Variants in MTARC2 observed in about 807,000 individuals in gnomAD.
The protein encoded by MTARC2 is MOCO sulphurase C-terminal domain containing 2.
A neutral mutation model predicts 35.6 loss-of-function variants in MTARC2; 27 were observed. That is an observed-to-expected ratio of 0.76 (90% CI 0.56 to 1.04). The LOEUF (loss-of-function observed/expected upper bound fraction) is 1.04, where lower values mean the gene tolerates loss of function less well. MTARC2 is among the 50% of genes least tolerant of loss of function. MTARC2 has a pLI of 0.00. For missense variants in MTARC2, 412 were observed against 432.5 expected, an observed-to-expected ratio of 0.95 and a Z score of 0.42; for synonymous variants, 158 against 167.1, an observed-to-expected ratio of 0.95 and a Z score of 0.42.
chr1:220,784,585 A>C lies in MTARC2; in HGVS notation c.*698A>C, dbSNP rs527269252. The stretch of plus-strand genomic sequence containing the variant: ...ACCACCTGGAATTCCAAGTAAGATA[A>C]GGAAGAGGATGACATTTAAAAGAGA... On this transcript the variant is annotated 3_prime_UTR_variant, in exon 8 of 8. Transcript: ENST00000366913. The C allele has an allele frequency of 6.6e-6, 1 of 152,352 alleles. No individual in the cohort carries two copies. Among genetic ancestry groups the C allele is most frequent in the African/African-American group, 2.4e-5 (1 of 41,580 alleles). 9.4% of individuals were successfully genotyped at this position (152,352 alleles called of 1,614,324 possible). A position where few individuals can be genotyped will look rare whatever the true frequency, so the allele number is the denominator to read the frequency against.
chr1:220,768,910 T>C (rs337151), intron 4 of MTARC2, among the ~76,000 whole-genome samples: 5,938 of 152,204 alleles, frequency 0.039, 359 homozygotes, highest in African/African-American at 0.13. Context: ...CATGTCCTCA[T>C]CTGGGGAGCT....
intron 4 of MTARC2, chr1:220,770,660 G>T: frequency 1.5e-6 from 1 of 685,916 alleles, no homozygotes; most frequent in Non-Finnish European, 1.8e-6. Context: ...CTGAAAAGCA[G>T]TCCAGCACAG....
chr1:220,759,327 G>A (rs972061469), intron 2 of MTARC2, among the ~76,000 whole-genome samples: 1 of 152,178 alleles, frequency 6.6e-6, no homozygotes, highest in South Asian at 2.1e-4. Flanking sequence ...GTGAGGGTCA[G>A]TTTTTTCTAT....
In MTARC2 at chr1:220,771,666, T is replaced by A. The variant is rs563968016; in HGVS notation, c.751-8352T>A. On this transcript the variant is annotated intron_variant, in intron 4 of 7. Transcript: ENST00000366913. ...GGATATTTTAAAAAGTAACTCATAC[T>A]CTTTGCACAGCTTGAAAAACACAGT... 6.6e-5 allele frequency among the ~76,000 whole-genome samples: 10 copies of A among 152,252 alleles called. No homozygotes were observed. In the South Asian group the frequency reaches 1.9e-3, roughly 28 times the overall value.
At chr1:220,761,589 A>T (rs574768625) in intron 2 of MTARC2, 69 bp from the exon 3 acceptor site, 15 of 1,478,300 alleles carry the variant, frequency 1.0e-5, no homozygotes, top group Non-Finnish European at 1.3e-5. Context: ...CCAGCTGTTC[A>T]TTTTTGACAC....
At chr1:220,763,690 T>C (rs1453859294) in intron 4 of MTARC2, among the ~76,000 whole-genome samples, 2 of 152,244 alleles carry the variant, frequency 1.3e-5, no homozygotes, top group African/African-American at 4.8e-5. Context: ...TTAGCCATCA[T>C]ATTAAGCCTC....
chr1:220,776,494 A>AT (rs998447529), intron 4 of MTARC2, among the ~76,000 whole-genome samples: 277 of 151,936 alleles, frequency 1.8e-3, no homozygotes, highest in African/African-American at 5.2e-3. Flanking sequence ...TTAGCATAGT[A>AT]TTTTTTTTAC....
In MTARC2 at chr1:220,748,344, C is replaced by A; in HGVS notation, c.-188C>A. 1.8e-6 allele frequency: 1 copy of A among 546,644 alleles called. No individual in the cohort carries two copies. The highest frequency in any genetic ancestry group is 4.5e-5 in the Admixed American group (1 of 22,166). The allele number at this position is 546,644 out of a possible 1,614,324, so 33.9% of individuals were successfully genotyped here. ...CTCCATTACCGCGCAGGCTTGGTCA[C>A]CGCATTAAGGCATTCCCGCTCTCCG... is the stretch of plus-strand genomic sequence containing the variant. On this transcript the variant is annotated 5_prime_UTR_variant, in exon 1 of 8. Coordinates refer to ENST00000366913, the MANE Select transcript of MTARC2 (RefSeq NM_017898.5).
intron 3 of MTARC2, among the ~76,000 whole-genome samples, chr1:220,762,631 G>A (rs1671469444): frequency 6.6e-6 from 1 of 152,126 alleles, no homozygotes; most frequent in Non-Finnish European, 1.5e-5. Flanking sequence ...GGGGGAAGGG[G>A]GTCGCTGCTG....
At chr1:220,766,860 C>CAAAAAAAAAAAAAA in intron 4 of MTARC2, among the ~76,000 whole-genome samples, 1 of 91,938 alleles carries the variant, frequency 1.1e-5, no homozygotes, top group Admixed American at 1.1e-4. Context: ...AATAAAAGTA[C>CAAAAAAAAAAAAAA]AAAAAAAAAA....
chr1:220,769,490 G>A (rs1352916175), intron 4 of MTARC2, among the ~76,000 whole-genome samples: 1 of 152,174 alleles, frequency 6.6e-6, no homozygotes, highest in Non-Finnish European at 1.5e-5. Context: ...GGGAGCTTTT[G>A]AAGCTCCCCT....
intron 4 of MTARC2, among the ~76,000 whole-genome samples, chr1:220,768,366 C>T (rs1265933632): frequency 2.2e-4 from 33 of 152,162 alleles, no homozygotes; most frequent in Non-Finnish European, 5.9e-5. Context: ...GTGGTTTTCA[C>T]TGTGGGTCAT....
At chr1:220,752,871 G>A (rs897847025) in intron 1 of MTARC2, among the ~76,000 whole-genome samples, 5 of 151,502 alleles carry the variant, frequency 3.3e-5, no homozygotes, top group Admixed American at 2.6e-4. Context: ...TATTAATTAA[G>A]TATAAATATA....
Position 220,780,028 on chromosome 1 carries a change from A to T in MTARC2, c.761A>T (p.Asp254Val). ...GCDAFEEDTW[D>V]ELLIGSVEVK... ...TCTCTTTTCTCTTAGGATACCTGGG[A>T]TGAACTCCTAATTGGTAGTGTAGAA... The change falls in exon 5 of 8, where the codon GAT becomes GTT. Residue 254 changes from aspartate to valine, a missense_variant. Transcript: ENST00000366913. 1.3e-6 allele frequency: 2 copies of T among 1,534,864 alleles called. No homozygotes were observed. The highest frequency in any genetic ancestry group is 1.7e-6 in the Non-Finnish European group (2 of 1,151,988).
intron 2 of MTARC2, among the ~76,000 whole-genome samples, chr1:220,760,894 A>C (rs1219844145): frequency 6.6e-6 from 1 of 152,280 alleles, no homozygotes; most frequent in Non-Finnish European, 1.5e-5. Context: ...ATATCAAACC[A>C]ACATGGCATT....
At chr1:220,775,757 T>C (rs748301462) in intron 4 of MTARC2, among the ~76,000 whole-genome samples, 3 of 152,232 alleles carry the variant, frequency 2.0e-5, no homozygotes, top group Non-Finnish European at 2.9e-5. Context: ...TAGCCTCTAC[T>C]TATACATTAG....
intron 1 of MTARC2, among the ~76,000 whole-genome samples, chr1:220,750,718 T>C (rs1248502916): frequency 2.6e-5 from 4 of 152,192 alleles, no homozygotes; most frequent in African/African-American, 9.6e-5. Context: ...CATAACAATC[T>C]TGTGGGCTAG....
chr1:220,762,635 GCTGCT>G (rs1671469957), intron 3 of MTARC2, among the ~76,000 whole-genome samples: 1 of 151,870 alleles, frequency 6.6e-6, no homozygotes, highest in Non-Finnish European at 1.5e-5. Flanking sequence ...GAAGGGGGTC[GCTGCT>G]GGAGTGGGAG....
chr1:220,768,182 T>C (rs1338738128), intron 4 of MTARC2, among the ~76,000 whole-genome samples: 6 of 152,236 alleles, frequency 3.9e-5, no homozygotes, highest in East Asian at 3.8e-4. Flanking sequence ...CAACCCATTA[T>C]TGGGTTCTAA....
Sources: allele counts gnomAD v4.1 joint callset (sites outside exome capture counted in the v4.1 genomes callset), GRCh38; gene constraint gnomAD v4.1.1; transcripts MANE v1.5; gene names NCBI Gene and HGNC (gene_info 2026-07-23, HGNC 2026-07-21).